NCKAP5: variants seen among roughly 807,000 people sequenced by gnomAD.
NCKAP5 encodes nck-associated protein 5.
NCKAP5 carries 92 observed loss-of-function variants against 167.0 expected under a neutral mutation model. The ratio of observed to expected loss-of-function variants is 0.55; its 90% CI spans 0.47 to 0.66. The LOEUF (loss-of-function observed/expected upper bound fraction) is 0.66. Among genes scored for constraint, NCKAP5 ranks in the 30% least tolerant of loss-of-function variants. The probability of loss-of-function intolerance (pLI) is 0.00; values close to 1 mark genes in which losing one functional copy is unlikely to be tolerated. For synonymous variants in NCKAP5, 891 were observed against 877.4 expected (o/e 1.02, Z -0.27); for missense variants, 2,378 against 2,315.0 (o/e 1.03, Z -0.56).
chr2:132,737,276 CT>C (rs1691615375), intron 16 of NCKAP5, among the ~76,000 whole-genome samples: 1 of 152,178 alleles, frequency 6.6e-6, no homozygotes, highest in Non-Finnish European at 1.5e-5. Flanking sequence ...TCCCCATTCT[CT>C]TTTACTGACA....
chr2:132,797,261 A>G (rs1172799038), intron 11 of NCKAP5, among the ~76,000 whole-genome samples: 3 of 152,206 alleles, frequency 2.0e-5, no homozygotes, highest in Non-Finnish European at 4.4e-5. Context: ...TGAATAGAAA[A>G]TAATTGCTTT....
chr2:132,978,598 A>G (rs1324988431), intron 7 of NCKAP5, among the ~76,000 whole-genome samples: 1 of 152,158 alleles, frequency 6.6e-6, no homozygotes, highest in Non-Finnish European at 1.5e-5. Context: ...CTTGCTGACC[A>G]TCCTGATCAC....
intron 4 of NCKAP5, among the ~76,000 whole-genome samples, chr2:133,284,182 T>C (rs1288851736): frequency 4.6e-5 from 7 of 151,798 alleles, no homozygotes; most frequent in Admixed American, 4.6e-4. Context: ...TATGATTGTA[T>C]ATAATATAAA....
intron 16 of NCKAP5, among the ~76,000 whole-genome samples, chr2:132,733,010 T>C (rs1441015561): frequency 6.6e-6 from 1 of 152,232 alleles, no homozygotes; most frequent in African/African-American, 2.4e-5. Flanking sequence ...TTCTTGGCAG[T>C]CCCAGGGATC....
intron 5 of NCKAP5, among the ~76,000 whole-genome samples, chr2:133,140,081 CT>C (rs111878294): frequency 0.014 from 2,075 of 152,274 alleles, 55 homozygotes; most frequent in African/African-American, 0.047. Context: ...TTCTTCTCCC[CT>C]GGTCACAGAT....
intron 6 of NCKAP5, among the ~76,000 whole-genome samples, chr2:133,039,362 C>T (rs953275499): frequency 6.6e-6 from 1 of 152,108 alleles, no homozygotes; most frequent in African/African-American, 2.4e-5. Flanking sequence ...ATCAAGATAA[C>T]TTCTAGTTTA....
intron 8 of NCKAP5, among the ~76,000 whole-genome samples, chr2:132,961,786 T>C (rs972701329): frequency 6.6e-6 from 1 of 152,220 alleles, no homozygotes; most frequent in Non-Finnish European, 1.5e-5. Flanking sequence ...TAAGATTAAT[T>C]TTCTCTGTAG....
At chr2:133,368,666 G>A (rs543029319) in intron 3 of NCKAP5, among the ~76,000 whole-genome samples, 1 of 152,320 alleles carries the variant, frequency 6.6e-6, no homozygotes, top group African/African-American at 2.4e-5. Context: ...AATGAAGCAT[G>A]AAGGATGGCC....
At chr2:133,558,513 G>A (rs753182349) in intron 2 of NCKAP5, among the ~76,000 whole-genome samples, 3 of 151,732 alleles carry the variant, frequency 2.0e-5, no homozygotes, top group African/African-American at 4.8e-5. Flanking sequence ...CAGAAAAAGG[G>A]TATTGAATGA....
chr2:133,355,461 T>C (rs1174731481), intron 3 of NCKAP5, among the ~76,000 whole-genome samples: 4 of 152,248 alleles, frequency 2.6e-5, no homozygotes, highest in Admixed American at 2.0e-4. Context: ...GACAGTTCTT[T>C]CCTTGAATTT....
chr2:133,538,730 C>G (rs1312002435), intron 2 of NCKAP5, among the ~76,000 whole-genome samples: 1 of 152,016 alleles, frequency 6.6e-6, no homozygotes, highest in Non-Finnish European at 1.5e-5. Flanking sequence ...AAAACATAGT[C>G]TGGGAAAAGG....
chr2:133,228,038 A>T lies in NCKAP5; in HGVS notation c.144-14259T>A, dbSNP rs148955111. Reference sequence around the variant, plus strand: ...TCTGGGGACTCTTGGTTTCTATTCCATCAGTTCCACGTTTTAATTCTCTGG... The same window carrying T: ...TCTGGGGACTCTTGGTTTCTATTCCTTCAGTTCCACGTTTTAATTCTCTGG... On this transcript the variant is annotated intron_variant, in intron 4 of 19. Transcript: ENST00000409261. 4.1e-3 allele frequency among the ~76,000 whole-genome samples: 624 copies of T among 152,270 alleles called. 1 individual carries two copies. Among genetic ancestry groups the T allele is most frequent in the African/African-American group, 0.014 (590 of 41,550 alleles).
At chr2:133,526,104 T>C in intron 2 of NCKAP5, among the ~76,000 whole-genome samples, 1 of 150,012 alleles carries the variant, frequency 6.7e-6, no homozygotes, top group Non-Finnish European at 1.5e-5. Flanking sequence ...CCAGGCCCTG[T>C]GTTAGGCCCT....
intron 4 of NCKAP5, among the ~76,000 whole-genome samples, chr2:133,217,991 T>C (rs1047414165): frequency 6.6e-6 from 1 of 152,084 alleles, no homozygotes; most frequent in African/African-American, 2.4e-5. Flanking sequence ...GTAAGAGCAC[T>C]GAATGAGGGG....
chr2:133,008,852 G>A (rs115614656), intron 6 of NCKAP5, among the ~76,000 whole-genome samples: 157 of 152,284 alleles, frequency 1.0e-3, no homozygotes, highest in Non-Finnish European at 1.9e-3. Context: ...TCTCATGAAT[G>A]TGGATTTTGC....
intron 3 of NCKAP5, among the ~76,000 whole-genome samples, chr2:133,371,773 C>T (rs1435555): frequency 6.6e-6 from 1 of 152,294 alleles, no homozygotes; most frequent in Admixed American, 6.5e-5. Flanking sequence ...TCCTGGGCTG[C>T]TAATGTGCTG....
At chr2:132,936,700 A>G (rs927311655) in intron 8 of NCKAP5, among the ~76,000 whole-genome samples, 3 of 152,130 alleles carry the variant, frequency 2.0e-5, no homozygotes, top group Non-Finnish European at 4.4e-5. Context: ...ATACACATGG[A>G]AAAAAAAGAT....
At chr2:133,367,136 A>G (rs1245116110) in intron 3 of NCKAP5, among the ~76,000 whole-genome samples, 1 of 152,208 alleles carries the variant, frequency 6.6e-6, no homozygotes, top group Non-Finnish European at 1.5e-5. Context: ...ACAAAACAAC[A>G]GCAGAAACAT....
At chr2:133,547,372 C>G in intron 2 of NCKAP5, among the ~76,000 whole-genome samples, 1 of 151,978 alleles carries the variant, frequency 6.6e-6, no homozygotes, top group African/African-American at 2.4e-5. Context: ...GGGTGGAGCC[C>G]ACCACAGCTC....
Sources: allele counts gnomAD v4.1 joint callset (sites outside exome capture counted in the v4.1 genomes callset), GRCh38; gene constraint gnomAD v4.1.1; transcripts MANE v1.5; gene names NCBI Gene and HGNC (gene_info 2026-07-23, HGNC 2026-07-21).